The following LRRC4C variants were observed in gnomAD, a reference collection of about 807,000 sequenced individuals.
The protein encoded by LRRC4C is leucine-rich repeat-containing protein 4C.
A neutral mutation model predicts 33.6 loss-of-function variants in LRRC4C; 5 were observed. The ratio of observed to expected loss-of-function variants is 0.15; its 90% confidence interval spans 0.08 to 0.31. The LOEUF is 0.31. Among genes scored for constraint, LRRC4C ranks in the 10% least tolerant of loss-of-function variants. The pLI is 1.00. For missense variants in LRRC4C, 560 were observed against 796.7 expected (o/e 0.70, Z 3.58); for synonymous variants, 329 against 302.0 (o/e 1.09, Z -0.93).
At chr11:41,374,977 A>T (rs1952883747) in intron 1 of LRRC4C, among the ~76,000 whole-genome samples, 1 of 152,054 alleles carries the variant, frequency 6.6e-6, no homozygotes, top group South Asian at 2.1e-4. Context: ...AATACAAAAA[A>T]TTAGCCGGGC....
At chr11:41,019,554 T>G (rs1477016600) in intron 1 of LRRC4C, among the ~76,000 whole-genome samples, 1 of 152,150 alleles carries the variant, frequency 6.6e-6, no homozygotes, top group East Asian at 1.9e-4. Flanking sequence ...GATTGCTGGC[T>G]CAAATGGTAT....
intron 3 of LRRC4C, among the ~76,000 whole-genome samples, chr11:40,462,099 T>A (rs946313549): frequency 1.3e-5 from 2 of 152,058 alleles, no homozygotes; most frequent in African/African-American, 4.8e-5. Flanking sequence ...ATAGTGTTTG[T>A]AAATGGCCCC....
chr11:41,178,611 C>T lies in LRRC4C; in HGVS notation c.-495-244888G>A, dbSNP rs138627731. ...GCCTCAAGCAAACTGCCCATCTCAG[C>T]CTCCCAAAATGCTGAGTTTATAGGC... On this transcript the variant is annotated intron_variant, in intron 1 of 6. Coordinates refer to ENST00000528697, the MANE Select transcript of LRRC4C (RefSeq NM_001258419.2). 5.5e-3 allele frequency among the ~76,000 whole-genome samples: 842 copies of T among 152,310 alleles called. 21 individuals are homozygous for T. The highest frequency in any genetic ancestry group is 0.037 in the East Asian group (190 of 5,178).
At chr11:40,731,563 C>A (rs974575955) in intron 2 of LRRC4C, among the ~76,000 whole-genome samples, 2 of 152,104 alleles carry the variant, frequency 1.3e-5, no homozygotes, top group African/African-American at 4.8e-5. Context: ...TATAGCAATG[C>A]AAGAATGGCC....
chr11:41,221,806 A>G (rs1947321701), intron 1 of LRRC4C, among the ~76,000 whole-genome samples: 1 of 152,244 alleles, frequency 6.6e-6, no homozygotes, highest in African/African-American at 2.4e-5. Flanking sequence ...CTCAACTGGC[A>G]TAGAGACAAA....
intron 1 of LRRC4C, among the ~76,000 whole-genome samples, chr11:41,038,866 A>G (rs571418206): frequency 6.6e-6 from 1 of 152,282 alleles, no homozygotes; most frequent in South Asian, 2.1e-4. Flanking sequence ...AGGAAAGAGA[A>G]GGTCACTCTC....
At chr11:41,133,987 A>G (rs1365773598) in intron 1 of LRRC4C, among the ~76,000 whole-genome samples, 1 of 152,150 alleles carries the variant, frequency 6.6e-6, no homozygotes, top group Non-Finnish European at 1.5e-5. Context: ...ATAAATCCAC[A>G]CTCTAATTCA....
chr11:40,905,830 T>C (rs1956389684), intron 2 of LRRC4C, among the ~76,000 whole-genome samples: 1 of 152,182 alleles, frequency 6.6e-6, no homozygotes, highest in Admixed American at 6.5e-5. Context: ...ATTGTCCAAA[T>C]GACAATAAAG....
chr11:40,310,350 A>C (rs1945242914), intron 4 of LRRC4C, among the ~76,000 whole-genome samples: 1 of 152,154 alleles, frequency 6.6e-6, no homozygotes, highest in South Asian at 2.1e-4. Flanking sequence ...CCCCAAAGTA[A>C]CTATTGTGGT....
chr11:41,066,509 G>A (rs558447485), intron 1 of LRRC4C, among the ~76,000 whole-genome samples: 2 of 152,242 alleles, frequency 1.3e-5, no homozygotes, highest in Admixed American at 6.5e-5. Flanking sequence ...TATTATCGAG[G>A]AGAACTTCCC....
chr11:40,386,161 A>G (rs1949103480), intron 3 of LRRC4C, among the ~76,000 whole-genome samples: 1 of 152,186 alleles, frequency 6.6e-6, no homozygotes, highest in African/African-American at 2.4e-5. Flanking sequence ...TGAAAAATAT[A>G]TAAAGAATTG....
chr11:40,668,860 G>A (rs1299447859), intron 2 of LRRC4C, among the ~76,000 whole-genome samples: 1 of 152,174 alleles, frequency 6.6e-6, no homozygotes, highest in African/African-American at 2.4e-5. Context: ...CATGGGGCTA[G>A]ATGAATTGAT....
At chr11:40,544,961 T>C (rs1956858085) in intron 3 of LRRC4C, among the ~76,000 whole-genome samples, 1 of 152,066 alleles carries the variant, frequency 6.6e-6, no homozygotes, top group South Asian at 2.1e-4. Context: ...ATGTTCCCTT[T>C]AGTGACAGTC....
chr11:40,952,892 ACACACTCTCTCTCT>A (rs1329018714), intron 1 of LRRC4C, among the ~76,000 whole-genome samples: 30 of 49,616 alleles, frequency 6.0e-4, no homozygotes, highest in Admixed American at 1.9e-3. Context: ...ACACACACAC[ACACACTCTCTCTCT>A]CTCTCTCTCT....
intron 2 of LRRC4C, among the ~76,000 whole-genome samples, chr11:40,916,775 C>G (rs1956980819): frequency 6.6e-6 from 1 of 151,296 alleles, no homozygotes; most frequent in South Asian, 2.1e-4. Flanking sequence ...GACACAATGA[C>G]TATTGAGACA....
intron 3 of LRRC4C, among the ~76,000 whole-genome samples, chr11:40,388,221 T>C (rs1023406137): frequency 6.6e-6 from 1 of 152,136 alleles, no homozygotes; most frequent in Non-Finnish European, 1.5e-5. Flanking sequence ...CCGGATAAGA[T>C]GAATTATCAG....
At chr11:40,395,269 T>G (rs1565346659) in intron 3 of LRRC4C, among the ~76,000 whole-genome samples, 2 of 152,138 alleles carry the variant, frequency 1.3e-5, no homozygotes, top group Non-Finnish European at 2.9e-5. Context: ...GCATTGCCTG[T>G]TTGAAATTAT....
At chr11:41,304,823 G>T (rs1197858962) in intron 1 of LRRC4C, among the ~76,000 whole-genome samples, 9 of 96,284 alleles carry the variant, frequency 9.3e-5, no homozygotes, top group East Asian at 3.7e-4. Context: ...GAGGTGGGGG[G>T]GTCAGCCCCC....
intron 3 of LRRC4C, among the ~76,000 whole-genome samples, chr11:40,453,095 T>C (rs1323882281): frequency 6.6e-6 from 1 of 152,016 alleles, no homozygotes; most frequent in Non-Finnish European, 1.5e-5. Flanking sequence ...GACGAGTTAA[T>C]GGGTGCAGCG....
Sources: gnomAD v4.1 joint callset for allele counts (sites outside exome capture counted in the v4.1 genomes callset) on GRCh38, gnomAD v4.1.1 for gene constraint, MANE v1.5 for transcripts, NCBI Gene and HGNC (gene_info 2026-07-23, HGNC 2026-07-21) for gene names.